Variants in DGKB observed in about 807,000 individuals in gnomAD.
DGKB encodes the protein 90 kDa diacylglycerol kinase.
Under a neutral mutation model 114.3 loss-of-function variants are expected in DGKB, and 67 were observed. That is an observed-to-expected ratio of 0.59 (90% CI 0.48 to 0.72). The LOEUF is 0.72. DGKB is among the 30% of genes least tolerant of loss of function. The probability of loss-of-function intolerance (pLI) is 0.00; values close to 1 mark genes in which losing one functional copy is unlikely to be tolerated. For synonymous variants in DGKB, 398 were observed against 323.1 expected (o/e 1.23, Z -2.49); for missense variants, 907 against 975.2 (o/e 0.93, Z 0.93).
intron 20 of DGKB, among the ~76,000 whole-genome samples, chr7:14,520,545 A>G (rs1789593822): frequency 6.6e-6 from 1 of 151,854 alleles, no homozygotes; most frequent in African/African-American, 2.4e-5. Flanking sequence ...TCAGGTAAAA[A>G]TATGTTTTAT....
At chr7:14,166,743 A>G (rs1784663192) in intron 25 of DGKB, among the ~76,000 whole-genome samples, 1 of 129,578 alleles carries the variant, frequency 7.7e-6, no homozygotes, top group Non-Finnish European at 1.5e-5. Flanking sequence ...ATGAGTTTTT[A>G]GTTTTTAGTT....
intron 13 of DGKB, among the ~76,000 whole-genome samples, chr7:14,664,766 C>A (rs1048104600): frequency 2.6e-5 from 4 of 151,942 alleles, no homozygotes; most frequent in Non-Finnish European, 5.9e-5. Flanking sequence ...ATGTATCACA[C>A]CCTAATATTT....
At chr7:14,196,104 G>T (rs181637546) in intron 23 of DGKB, among the ~76,000 whole-genome samples, 2 of 152,054 alleles carry the variant, frequency 1.3e-5, no homozygotes, top group Non-Finnish European at 2.9e-5. Context: ...TGAGTTCAAG[G>T]CTCTGCACAA....
chr7:14,897,862 G>T (rs1782362609), intron 1 of DGKB, among the ~76,000 whole-genome samples: 1 of 151,852 alleles, frequency 6.6e-6, no homozygotes, highest in South Asian at 2.1e-4. Flanking sequence ...TTGTGGAAGT[G>T]GGACTACCTA....
chr7:14,956,954 C>A (rs1452688667), intron 1 of DGKB, among the ~76,000 whole-genome samples: 2 of 151,872 alleles, frequency 1.3e-5, no homozygotes, highest in African/African-American at 2.4e-5. Context: ...TCCAACCCAA[C>A]CTTCACATAT....
At chr7:14,408,972 T>C (rs1162805249) in intron 21 of DGKB, among the ~76,000 whole-genome samples, 2 of 152,178 alleles carry the variant, frequency 1.3e-5, no homozygotes, top group Admixed American at 6.6e-5. Flanking sequence ...AAAGTATACA[T>C]ACATTTATTA....
chr7:14,216,447 C>T (rs1310276641), intron 23 of DGKB, among the ~76,000 whole-genome samples: 11 of 151,926 alleles, frequency 7.2e-5, no homozygotes, highest in Non-Finnish European at 1.2e-4. Context: ...TATAGCAGGC[C>T]GGGCACAGTG....
At chr7:14,882,196 C>G (rs1854333492) in intron 1 of DGKB, among the ~76,000 whole-genome samples, 1 of 151,594 alleles carries the variant, frequency 6.6e-6, no homozygotes, top group African/African-American at 2.4e-5. Context: ...ATTTGGGAGT[C>G]TGAAAGAGAA....
chr7:14,539,755 T>C (rs1163358011), intron 20 of DGKB, among the ~76,000 whole-genome samples: 3 of 152,096 alleles, frequency 2.0e-5, no homozygotes, highest in African/African-American at 7.2e-5. Context: ...CACCTTCACA[T>C]TGTTGATTTG....
intron 21 of DGKB, among the ~76,000 whole-genome samples, chr7:14,450,661 C>T (rs1177803287): frequency 2.0e-5 from 3 of 151,976 alleles, no homozygotes; most frequent in Admixed American, 6.6e-5. Flanking sequence ...CTTGGGAGAT[C>T]CTTCTGTGAC....
chr7:14,761,645 C>T (rs1835711979), intron 2 of DGKB, among the ~76,000 whole-genome samples: 1 of 152,176 alleles, frequency 6.6e-6, no homozygotes, highest in African/African-American at 2.4e-5. Context: ...GACGTGGCCT[C>T]AGTCATAATT....
intron 13 of DGKB, among the ~76,000 whole-genome samples, chr7:14,649,669 C>A (rs1241235735): frequency 6.8e-6 from 1 of 146,508 alleles, no homozygotes; most frequent in South Asian, 2.2e-4. Context: ...TGTAAATGGA[C>A]AAAATGCTCC....
intron 23 of DGKB, among the ~76,000 whole-genome samples, chr7:14,271,178 A>C (rs917894382): frequency 6.6e-6 from 1 of 152,166 alleles, no homozygotes. Context: ...TTTTCAATAA[A>C]ATGTGGCCAA....
At chr7:14,822,702 C>T (rs1249853326) in intron 2 of DGKB, among the ~76,000 whole-genome samples, 2 of 152,030 alleles carry the variant, frequency 1.3e-5, no homozygotes, top group African/African-American at 4.8e-5. Context: ...AGGTGTGGGT[C>T]TACAGAATAG....
At chr7:14,926,404 G>A (rs1784754910) in intron 1 of DGKB, among the ~76,000 whole-genome samples, 1 of 151,444 alleles carries the variant, frequency 6.6e-6, no homozygotes, top group Non-Finnish European at 1.5e-5. Context: ...CATTTTTCAA[G>A]TCCTGCTGTT....
At chr7:14,612,416 A>G (rs1805732383) in intron 16 of DGKB, among the ~76,000 whole-genome samples, 3 of 151,848 alleles carry the variant, frequency 2.0e-5, no homozygotes, top group African/African-American at 7.3e-5. Context: ...TGGTCTGCCC[A>G]CCTCAGCCTC....
intron 23 of DGKB, 27 bp downstream of exon 23, chr7:14,338,488 T>C (rs762020524): frequency 2.3e-5 from 34 of 1,454,428 alleles, no homozygotes; most frequent in Non-Finnish European, 3.1e-5. Flanking sequence ...AACAAGCAAT[T>C]TAACAACTAA....
intron 5 of DGKB, among the ~76,000 whole-genome samples, chr7:14,735,585 A>G (rs1167791070): frequency 6.6e-6 from 1 of 152,198 alleles, no homozygotes; most frequent in Non-Finnish European, 1.5e-5. Context: ...CGGTGACACA[A>G]ATTTACAGTA....
At chr7:14,835,795 TC>T (rs1847074810) in intron 2 of DGKB, among the ~76,000 whole-genome samples, 1 of 152,194 alleles carries the variant, frequency 6.6e-6, no homozygotes, top group Admixed American at 6.5e-5. Context: ...TATTAACATA[TC>T]AATCTTCATG....
Sources: allele counts gnomAD v4.1 joint callset (sites outside exome capture counted in the v4.1 genomes callset), GRCh38; gene constraint gnomAD v4.1.1; transcripts MANE v1.5; gene names NCBI Gene and HGNC (gene_info 2026-07-23, HGNC 2026-07-21).